The following DDX54 variants were observed in gnomAD, a reference collection of about 807,000 sequenced individuals.
DDX54 encodes ATP-dependent RNA helicase DDX54.
In DDX54, 67 loss-of-function variants were observed where a neutral mutation model predicts 105.5. That is an observed-to-expected ratio of 0.64 (90% confidence interval 0.52 to 0.78). The LOEUF (loss-of-function observed/expected upper bound fraction) is 0.78, where lower values mean the gene tolerates loss of function less well. Ranked by LOEUF, DDX54 falls within the 30% of genes least tolerant of loss-of-function variation. The pLI, the probability that DDX54 is intolerant of heterozygous loss-of-function variation, is 0.00. For missense variants in DDX54, 1,206 were observed against 1,230.5 expected, an observed-to-expected ratio of 0.98 and a Z score of 0.30; for synonymous variants, 514 against 509.9, an observed-to-expected ratio of 1.01 and a Z score of -0.11.
chr12:113,166,952 G>C (rs999717602), intron 12 of DDX54, among the ~76,000 whole-genome samples: 6 of 152,182 alleles, frequency 3.9e-5, no homozygotes, highest in African/African-American at 1.2e-4. Flanking sequence ...AGAGGATGCC[G>C]GGGACAGAGG....
Position 113,185,396 on chromosome 12 carries a change from TG to T in DDX54, c.55del (p.Gln19SerfsTer85). 6.4e-7 allele frequency: 1 copy of T among 1,557,034 alleles called. No individual in the cohort carries two copies. The highest frequency in any genetic ancestry group is 1.2e-5 in the South Asian group (1 of 84,600). The part of the protein sequence containing the change: ...AGPRSRAAMA[Q>X]WRKKKGLRKR... ...CCGGAGCCCTTTCTTCTTCCTCCACTGGGCCATGGCAGCTCGCGACCGAGGT... is the reference window on the plus strand; with the variant it reads ...CCGGAGCCCTTTCTTCTTCCTCCACTGGCCATGGCAGCTCGCGACCGAGGT... On this transcript the variant is annotated frameshift_variant, in exon 1 of 20. Coordinates refer to ENST00000306014, the MANE Select transcript of DDX54 (RefSeq NM_024072.4). LOFTEE classifies it high-confidence loss of function.
At chr12:113,172,201 G>T in intron 11 of DDX54, 152 bp downstream of exon 11, 2 of 836,166 alleles carry the variant, frequency 2.4e-6, no homozygotes, top group Non-Finnish European at 1.8e-6. Flanking sequence ...TCGCGAGTTT[G>T]AGACCAGCTT....
chr12:113,175,069 G>T lies in DDX54; in HGVS notation c.841C>A (p.Leu281Met). 6.2e-7 allele frequency: 1 copy of T among 1,614,008 alleles called. No individual in the cohort carries two copies. Among genetic ancestry groups the T allele is most frequent in the Non-Finnish European group, 8.5e-7 (1 of 1,180,018 alleles). ...GHQTVLFSATLPKLLVEFARA... is the reference protein window; with the variant it reads ...GHQTVLFSATMPKLLVEFARA... ...GCAAATTCCACCAGCAGTTTGGGCA[G>T]CGTGGCGGAGAACAGCACCGTCTGG... Residue 281 changes from leucine to methionine, a missense_variant, in exon 8 of 20, where the codon CTG becomes ATG. Around this residue, in one of 3 missense-constraint regions of DDX54, gnomAD observed 961 missense variants for 1,019.1 expected, o/e 0.94. Transcript: ENST00000306014.
rs1952151128 is a variant in DDX54 at position 113,157,810 on chromosome 12, C to G, written c.*1067G>C. 9 of 772,510 alleles carry G rather than the reference C, an allele frequency of 1.2e-5. No individual in the cohort carries two copies. The highest frequency in any genetic ancestry group is 3.4e-5 in the African/African-American group (2 of 58,590). 47.9% of individuals were successfully genotyped at this position (772,510 alleles called of 1,614,324 possible). A position where few individuals can be genotyped will look rare whatever the true frequency, so the allele number is the denominator to read the frequency against. Reference sequence around the variant, plus strand: ...TTTCCTCATTGGGAAGATGGGAGGGCTGTGCCTGTTCAGAGTGCTGTGGGC... The same window carrying G: ...TTTCCTCATTGGGAAGATGGGAGGGGTGTGCCTGTTCAGAGTGCTGTGGGC... On this transcript the variant is annotated 3_prime_UTR_variant, in exon 20 of 20. Transcript: ENST00000306014.
chr12:113,174,718 C>T lies in DDX54; in HGVS notation c.990G>A (p.Leu330=). ...EDTKAAVLLH[L]LHNVVRPQDQ... Reference sequence around the variant, plus strand: ...CCTGGGGCCGCACCACGTTGTGCAGCAGGTGGAGCAGCACGGCAGCCTTGG... The same window carrying T: ...CCTGGGGCCGCACCACGTTGTGCAGTAGGTGGAGCAGCACGGCAGCCTTGG... Residue 330 remains leucine (L), a synonymous_variant, in exon 10 of 20, where the codon CTG becomes CTA. Coordinates refer to ENST00000306014, the MANE Select transcript of DDX54 (RefSeq NM_024072.4). 1.2e-6 allele frequency: 2 copies of T among 1,608,970 alleles called. No homozygotes were observed. The highest frequency in any genetic ancestry group is 1.7e-5 in the Admixed American group (1 of 59,922).
chr12:113,161,270 C>T lies in DDX54; in HGVS notation c.2413G>A (p.Gly805Ser). ...RRGGKRDRGQGASRPHAPGTP... is the reference protein window; with the variant it reads ...RRGGKRDRGQSASRPHAPGTP... ...CCACACTCCCCACCCTGGCTCTCAC[C>T]TTGGCCACGGTCTCGCTTCCCACCT... Residue 805 changes from glycine to serine, a missense_variant and splice_region_variant, in exon 19 of 20, where the codon GGT (glycine) becomes AGT (serine). By Grantham distance (56) the Gly-to-Ser change is moderately conservative (BLOSUM62 0). Around this residue, in one of 3 missense-constraint regions of DDX54, gnomAD observed 961 missense variants for 1,019.1 expected, o/e 0.94. Transcript: ENST00000306014. 1 of 1,610,816 alleles carries T rather than the reference C, an allele frequency of 6.2e-7. No individual in the cohort carries two copies.
chr12:113,169,719 A>G (rs1450202166), intron 12 of DDX54, 51 bp downstream of exon 12: 1 of 1,586,744 alleles, frequency 6.3e-7, no homozygotes, highest in African/African-American at 1.3e-5. Flanking sequence ...CAGCCAAAAC[A>G]GGGCCCATGA....
intron 1 of DDX54, 138 bp from the exon 2 acceptor site, chr12:113,181,196 T>C: frequency 9.4e-7 from 1 of 1,068,824 alleles, no homozygotes; most frequent in South Asian, 2.0e-5. Context: ...ACTTTTTTGC[T>C]AGTAAGTTCT....
At chr12:113,166,808 C>G (rs553268918) in intron 12 of DDX54, among the ~76,000 whole-genome samples, 1 of 152,272 alleles carries the variant, frequency 6.6e-6, no homozygotes, top group East Asian at 1.9e-4. Context: ...GATAAGAAAA[C>G]TGAGGCTCAG....
rs931146586 is a variant in DDX54, at chr12:113,163,968, C to A, written c.1938+99G>T. 5 of 1,442,776 alleles carry A rather than the reference C, an allele frequency of 3.5e-6. No individual in the cohort carries two copies. The African/African-American group carries it at 4.3e-5, about 12-fold the overall frequency. 89.4% of individuals were successfully genotyped at this position (1,442,776 alleles called of 1,614,324 possible). A position where few individuals can be genotyped will look rare whatever the true frequency, so the allele number is the denominator to read the frequency against. On this transcript the variant is annotated intron_variant, in intron 15 of 19. Transcript: ENST00000306014. This position sits in a 1 kb window ranked among gnomAD's most constrained non-coding sequence, Gnocchi z 5.9. ...GGAAGCTGACTGCATCCACCTCCAT[C>A]CACTGCTCAAAGATCCTAGGACAGC...
chr12:113,178,957 A>C lies in DDX54; in HGVS notation c.614+20T>G. On this transcript the variant is annotated intron_variant, in intron 5 of 19. Transcript: ENST00000306014. Reference sequence around the variant, plus strand: ...GTGCCTGCATGGTGGTGACCCTGGCATGGGGTGCAGGGACCTTACCTGTCT... The same window carrying C: ...GTGCCTGCATGGTGGTGACCCTGGCCTGGGGTGCAGGGACCTTACCTGTCT... The C allele has an allele frequency of 6.2e-7, 1 of 1,613,740 alleles. No homozygotes were observed. The highest frequency in any genetic ancestry group is 1.1e-5 in the South Asian group (1 of 90,974).
At chr12:113,180,877 T>C in intron 2 of DDX54, 52 bp downstream of exon 2, 6 of 1,590,104 alleles carry the variant, frequency 3.8e-6, no homozygotes, top group Non-Finnish European at 5.1e-6. Flanking sequence ...AGAGGCGGGG[T>C]TGACCTCCAG....
intron 7 of DDX54, among the ~76,000 whole-genome samples, chr12:113,175,382 A>G (rs1413231434): frequency 1.3e-5 from 2 of 152,250 alleles, no homozygotes; most frequent in African/African-American, 4.8e-5. Flanking sequence ...AATAAATGAC[A>G]GCAGCCCAGG....
At position 113,162,893 on chromosome 12, in the gene DDX54, C is replaced by G. The variant is rs766284640; in HGVS notation, c.2195+39G>C. On this transcript the variant is annotated intron_variant, in intron 17 of 19. Coordinates refer to ENST00000306014, the MANE Select transcript of DDX54 (RefSeq NM_024072.4). ...CGGAGGAGCAGCTCACTCGGTCACT[C>G]ACCCCGAGCATGGAGGGGCGGCTCA... 4.5e-5 allele frequency: 69 copies of G among 1,534,334 alleles called. No individual in the cohort carries two copies. The South Asian group carries it at 6.6e-4, about 15-fold the overall frequency.
intron 12 of DDX54, among the ~76,000 whole-genome samples, chr12:113,166,920 A>G (rs887796568): frequency 6.6e-6 from 1 of 152,218 alleles, no homozygotes; most frequent in Non-Finnish European, 1.5e-5. Context: ...TATGGTAATA[A>G]GTAACAGCAA....
chr12:113,165,950 C>T lies in DDX54; in HGVS notation c.1497G>A (p.Leu499=). 6.2e-7 allele frequency: 1 copy of T among 1,613,666 alleles called. No homozygotes were observed. Among genetic ancestry groups the T allele is most frequent in the Non-Finnish European group, 8.5e-7 (1 of 1,180,036 alleles). Residue 499 remains leucine, a synonymous_variant, in exon 13 of 20, where the codon CTG becomes CTA. Coordinates refer to ENST00000306014, the MANE Select transcript of DDX54 (RefSeq NM_024072.4). ...GGCCCCGTAGCTCCAGCGATGCCTC[C>T]AGGGTGCTCTGCAGACCACTGTCCT... ...DEEDSGLQST[L]EASLELRGLA... is the part of the protein sequence containing the mutation.
intron 1 of DDX54, 123 bp downstream of exon 1, chr12:113,185,155 G>T: frequency 7.9e-7 from 1 of 1,267,706 alleles, no homozygotes; most frequent in Non-Finnish European, 1.0e-6. Flanking sequence ...CGGTCCTCGG[G>T]TCGGCAGCCT....
chr12:113,167,007 C>T (rs1031416253), intron 12 of DDX54, among the ~76,000 whole-genome samples: 2 of 152,184 alleles, frequency 1.3e-5, no homozygotes, highest in African/African-American at 4.8e-5. Context: ...TCATCATCTC[C>T]TTTACCTCAC....
Position 113,166,029 on chromosome 12 carries a change from A to G in DDX54, c.1418T>C (p.Val473Ala). The change falls in exon 13 of 20, where the codon GTG becomes GCG. Residue 473 changes from valine to alanine, a missense_variant. Around this residue, in one of 3 missense-constraint regions of DDX54, gnomAD observed 961 missense variants for 1,019.1 expected, o/e 0.94. Transcript: ENST00000306014. Reference protein sequence around the residue: ...LARPLKEPSGVAGVDGMLGRV... With the variant: ...LARPLKEPSGAAGVDGMLGRV... ...ACCCAGCATGCCATCCACACCGGCC[A>G]CACCTGCACCCCACACAGCACCTTG... is the stretch of plus-strand genomic sequence containing the variant. The G allele has an allele frequency of 6.2e-7, 1 of 1,603,876 alleles. No homozygotes were observed.
Sources: gnomAD v4.1 joint callset for allele counts (sites outside exome capture counted in the v4.1 genomes callset) on GRCh38, gnomAD v4.1.1 for gene constraint, gnomAD v4.1.1 regional missense constraint, Gnocchi (gnomAD v3.1) non-coding constraint, MANE v1.5 for transcripts, NCBI Gene and HGNC (gene_info 2026-07-23, HGNC 2026-07-21) for gene names.